Variants in TASP1 observed in about 807,000 individuals in gnomAD.
The protein encoded by TASP1 is taspase 1.
Under a neutral mutation model 56.6 loss-of-function variants are expected in TASP1, and 16 were observed. The observed-to-expected ratio is 0.28, with a 90% CI of 0.19 to 0.43. The LOEUF (loss-of-function observed/expected upper bound fraction) is 0.43. Among genes scored for constraint, TASP1 ranks in the 20% least tolerant of loss-of-function variants. The pLI, the probability that TASP1 is intolerant of heterozygous loss-of-function variation, is 1.00. For synonymous variants in TASP1, 179 were observed against 184.2 expected (o/e 0.97, Z 0.23); for missense variants, 393 against 511.6 (o/e 0.77, Z 2.24).
At chr20:13,421,130 T>A (rs1339782794) in intron 12 of TASP1, among the ~76,000 whole-genome samples, 5 of 113,598 alleles carry the variant, frequency 4.4e-5, no homozygotes, top group East Asian at 2.6e-4. Context: ...TTTTTTTTTT[T>A]AAGACAGAGT....
At chr20:13,309,709 A>G in the TASP1 span, among the ~76,000 whole-genome samples, 3 of 152,196 alleles carry the variant, frequency 2.0e-5, no homozygotes, top group Admixed American at 1.3e-4. Context: ...TAAAGGCTCC[A>G]CCAAAAAGCT....
the TASP1 span, among the ~76,000 whole-genome samples, chr20:13,241,177 C>T: frequency 7.2e-5 from 11 of 152,056 alleles, no homozygotes; most frequent in Admixed American, 2.6e-4. Flanking sequence ...AATGAGGTCA[C>T]CAACTGCTCT....
intron 6 of TASP1, among the ~76,000 whole-genome samples, chr20:13,578,282 T>G (rs2047000828): frequency 6.6e-6 from 1 of 152,166 alleles, no homozygotes; most frequent in South Asian, 2.1e-4. Context: ...ATTAATATTT[T>G]CTTTCCCATA....
At chr20:13,635,612 TC>T (rs901309815) in intron 1 of TASP1, among the ~76,000 whole-genome samples, 5 of 152,148 alleles carry the variant, frequency 3.3e-5, no homozygotes, top group African/African-American at 1.2e-4. Context: ...GGTCTCGAAC[TC>T]CTGACCTCAG....
the TASP1 span, among the ~76,000 whole-genome samples, chr20:13,290,320 C>T: frequency 9.2e-5 from 14 of 152,044 alleles, no homozygotes; most frequent in Admixed American, 8.5e-4. Flanking sequence ...ATGAAGTAAA[C>T]GAAAATAATG....
intron 11 of TASP1, among the ~76,000 whole-genome samples, chr20:13,440,582 TAAG>T (rs2043179280): frequency 6.7e-6 from 1 of 150,310 alleles, no homozygotes; most frequent in Non-Finnish European, 1.5e-5. Flanking sequence ...AAAAAAATAA[TAAG>T]ACTTGTACAA....
the TASP1 span, among the ~76,000 whole-genome samples, chr20:13,133,272 A>G: frequency 6.6e-6 from 1 of 152,088 alleles, no homozygotes; most frequent in African/African-American, 2.4e-5. Context: ...CTCTACCCCC[A>G]GAGATTTCTG....
intron 7 of TASP1, among the ~76,000 whole-genome samples, chr20:13,569,075 T>G (rs577048770): frequency 4.6e-5 from 7 of 152,136 alleles, no homozygotes; most frequent in African/African-American, 1.4e-4. Context: ...TTGTGATAAC[T>G]GTTTTTCAGT....
chr20:13,395,951 T>C lies in TASP1; in HGVS notation c.1171-5499A>G, dbSNP rs546332938. ...CTCCTGACCTCATGATCCGCCTGCC[T>C]TGGCCTCCCAAAGTGCTGATTACAG... On this transcript the variant is annotated intron_variant, in intron 13 of 13. Transcript: ENST00000337743. Among the ~76,000 whole-genome samples, 12 of 152,106 alleles carry C rather than the reference T, an allele frequency of 7.9e-5. No individual in the cohort carries two copies. The East Asian group carries it at 2.3e-3, about 30-fold the overall frequency.
intron 13 of TASP1, among the ~76,000 whole-genome samples, chr20:13,397,521 AG>A (rs768580137): frequency 7.9e-5 from 12 of 152,308 alleles, no homozygotes; most frequent in Middle Eastern, 6.8e-3. Flanking sequence ...CTCCAAATTT[AG>A]GGCTATCTTG....
At chr20:13,254,541 C>T in the TASP1 span, among the ~76,000 whole-genome samples, 1 of 152,152 alleles carries the variant, frequency 6.6e-6, no homozygotes, top group Non-Finnish European at 1.5e-5. Flanking sequence ...CAGGGCTGCT[C>T]CTTGGTGCAC....
At chr20:13,452,034 C>T (rs1303539433) in intron 11 of TASP1, among the ~76,000 whole-genome samples, 1 of 152,040 alleles carries the variant, frequency 6.6e-6, no homozygotes, top group Non-Finnish European at 1.5e-5. Flanking sequence ...AGAGCATACA[C>T]ATTTATTACA....
intron 11 of TASP1, among the ~76,000 whole-genome samples, chr20:13,462,902 T>C (rs2044108248): frequency 6.6e-6 from 1 of 152,146 alleles, no homozygotes; most frequent in South Asian, 2.1e-4. Flanking sequence ...AGGCATCTTG[T>C]GTTTATGGAG....
Position 13,623,534 on chromosome 20 carries a change from G to A in TASP1, c.214-20C>T. ...AATTGCCTATGAAACCAAGGGGAGA[G>A]ATTATTCATTGCAAAATCACAACTT... On this transcript the variant is annotated intron_variant, in intron 3 of 13. Coordinates refer to ENST00000337743, the MANE Select transcript of TASP1 (RefSeq NM_017714.3). 6.6e-7 allele frequency: 1 copy of A among 1,519,126 alleles called. No homozygotes were observed. Among genetic ancestry groups the A allele is most frequent in the Non-Finnish European group, 9.1e-7 (1 of 1,098,364 alleles). 94.1% of individuals were successfully genotyped at this position (1,519,126 alleles called of 1,614,324 possible).
the TASP1 span, among the ~76,000 whole-genome samples, chr20:13,152,540 T>C: frequency 6.6e-6 from 1 of 152,314 alleles, no homozygotes; most frequent in African/African-American, 2.4e-5. Context: ...GTCAATATCA[T>C]TCTCAAGCAG....
At chr20:13,240,218 A>T in the TASP1 span, among the ~76,000 whole-genome samples, 1 of 152,252 alleles carries the variant, frequency 6.6e-6, no homozygotes, top group Admixed American at 6.5e-5. Flanking sequence ...GATTCAATAG[A>T]GAACAAGCTT....
the TASP1 span, among the ~76,000 whole-genome samples, chr20:13,320,809 G>A: frequency 6.6e-6 from 1 of 152,102 alleles, no homozygotes; most frequent in Non-Finnish European, 1.5e-5. Flanking sequence ...AGTGGGAAAG[G>A]GCTTCCCAGA....
chr20:13,539,945 T>A (rs2146937999), intron 8 of TASP1, among the ~76,000 whole-genome samples: 1 of 130,200 alleles, frequency 7.7e-6, no homozygotes, highest in South Asian at 2.4e-4. Flanking sequence ...TGAGTGTGTG[T>A]AAGTGATGGT....
At chr20:13,135,168 A>G in the TASP1 span, among the ~76,000 whole-genome samples, 2 of 152,354 alleles carry the variant, frequency 1.3e-5, no homozygotes, top group Admixed American at 6.5e-5. Context: ...GGTAGCATTT[A>G]TAATAATTAT....
Sources: allele counts gnomAD v4.1 joint callset (sites outside exome capture counted in the v4.1 genomes callset), GRCh38; gene constraint gnomAD v4.1.1; transcripts MANE v1.5; gene names NCBI Gene and HGNC (gene_info 2026-07-23, HGNC 2026-07-21).